GFM2: variants seen among roughly 807,000 people sequenced by gnomAD.
The protein encoded by GFM2 is GTP dependent ribosome recycling factor mitochondrial 2.
In GFM2, 72 loss-of-function variants were observed where a neutral mutation model predicts 95.4. The ratio of observed to expected loss-of-function variants is 0.76; its 90% confidence interval spans 0.62 to 0.92. GFM2 has a LOEUF of 0.92. Ranked by LOEUF, GFM2 falls within the 40% of genes least tolerant of loss-of-function variation. GFM2 has a pLI of 0.00. For synonymous variants in GFM2, 276 were observed against 317.5 expected (o/e 0.87, Z 1.39); for missense variants, 825 against 924.1 (o/e 0.89, Z 1.39).
At chr5:74,758,701 A>C in intron 5 of GFM2, 148 bp downstream of exon 5, 1 of 592,552 alleles carries the variant, frequency 1.7e-6, no homozygotes, top group Non-Finnish European at 3.1e-6. Context: ...TTTGGTGGGT[A>C]TTGCAACTAT....
chr5:74,760,961 G>C lies in GFM2; in HGVS notation c.89C>G (p.Ala30Gly), dbSNP rs975977097. 1.9e-6 allele frequency: 3 copies of C among 1,607,164 alleles called. No homozygotes were observed. Among genetic ancestry groups the C allele is most frequent in the African/African-American group, 2.7e-5 (2 of 74,818 alleles). ...ATGTGGCTTTAATCTTTTTAAACTT[G>C]CTCTTATTTTATAGCAGCATATATT... ...INNICCYKIRASLKRLKPHVP... is the reference protein window; with the variant it reads ...INNICCYKIRGSLKRLKPHVP... Residue 30 changes from alanine (A) to glycine (G), a missense_variant, in exon 3 of 21, where the codon GCA becomes GGA. Transcript: ENST00000296805.
In GFM2 at chr5:74,721,271, AT is replaced by A; in HGVS notation, c.*383del. 9.7e-7 allele frequency: 1 copy of A among 1,027,816 alleles called. No homozygotes were observed. The highest frequency in any genetic ancestry group is 1.5e-6 in the Non-Finnish European group (1 of 658,594). The allele number at this position is 1,027,816 out of a possible 1,614,324, so 63.7% of individuals were successfully genotyped here. On this transcript the variant is annotated 3_prime_UTR_variant, in exon 21 of 21. Transcript: ENST00000296805. ...GATATTAGACTGTTTTTTGAATAAA[AT>A]ATTTTTATTGATTGAACCTTTGACC... is the stretch of plus-strand genomic sequence containing the variant.
chr5:74,741,449 GCACA>G (rs1384742261), intron 11 of GFM2, 76 bp downstream of exon 11: 1 of 667,004 alleles, frequency 1.5e-6, no homozygotes, highest in African/African-American at 1.9e-5. Flanking sequence ...AAAAAAAAAT[GCACA>G]CACATCAAAG....
chr5:74,726,820 CA>C (rs1217734682), intron 17 of GFM2, among the ~76,000 whole-genome samples: 2 of 152,146 alleles, frequency 1.3e-5, no homozygotes, highest in African/African-American at 4.8e-5. Flanking sequence ...TATAATTCTT[CA>C]TAATTCCTTT....
chr5:74,745,011 C>T (rs1369907668), intron 10 of GFM2, among the ~76,000 whole-genome samples: 1 of 151,842 alleles, frequency 6.6e-6, no homozygotes, highest in African/African-American at 2.4e-5. Flanking sequence ...AACATGTAAA[C>T]CTAAGTTCTT....
intron 15 of GFM2, among the ~76,000 whole-genome samples, chr5:74,733,626 T>A (rs1050770222): frequency 3.3e-5 from 5 of 152,042 alleles, no homozygotes; most frequent in African/African-American, 1.2e-4. Context: ...AGGAAGGAGA[T>A]GTGTGGCAGG....
chr5:74,724,116 C>T (rs1054529349), intron 19 of GFM2, among the ~76,000 whole-genome samples: 1 of 152,124 alleles, frequency 6.6e-6, no homozygotes, highest in African/African-American at 2.4e-5. Context: ...CGAATTAACA[C>T]TAATGACTAA....
intron 1 of GFM2, chr5:74,765,283 T>C (rs1032040729): frequency 9.5e-6 from 2 of 210,066 alleles, no homozygotes; most frequent in Non-Finnish European, 1.8e-5. Flanking sequence ...TGTGTCTGCC[T>C]ACCCACTGCT....
At chr5:74,738,999 G>A (rs115655426) in intron 12 of GFM2, among the ~76,000 whole-genome samples, 3 of 151,934 alleles carry the variant, frequency 2.0e-5, no homozygotes, top group Admixed American at 1.3e-4. Flanking sequence ...CTGCTTTTAC[G>A]CTCTCCTTCC....
In GFM2 at chr5:74,767,069, CGAAAA is replaced by C. The variant is rs1264781017; in HGVS notation, c.-161_-157del. Reference sequence around the variant, plus strand: ...CTAGGCAAAAGGCAATGTATCTAAACGAAAAGAAAATAGGCTTTCTCCGCTCTACC... The same window carrying C: ...CTAGGCAAAAGGCAATGTATCTAAACGAAAATAGGCTTTCTCCGCTCTACC... On this transcript the variant is annotated 5_prime_UTR_variant, in exon 1 of 21. Transcript: ENST00000296805. 1.2e-5 allele frequency: 5 copies of C among 424,254 alleles called. No homozygotes were observed. The highest frequency in any genetic ancestry group is 2.2e-5 in the Non-Finnish European group (5 of 230,396). The allele number at this position is 424,254 out of a possible 1,614,324, so 26.3% of individuals were successfully genotyped here. A position where few individuals can be genotyped will look rare whatever the true frequency, so the allele number is the denominator to read the frequency against.
chr5:74,733,353 A>G (rs1022585239), intron 15 of GFM2: 4 of 326,694 alleles, frequency 1.2e-5, no homozygotes, highest in Non-Finnish European at 2.3e-5. Context: ...AAAAAAGACA[A>G]TTTCAAACAG....
In GFM2 at chr5:74,740,133, T is replaced by TATGTAGCA; in HGVS notation, c.934_935insTGCTACAT (p.Gln312LeufsTer10). The TATGTAGCA allele has an allele frequency of 6.3e-7, 1 of 1,596,904 alleles. No individual in the cohort carries two copies. The highest frequency in any genetic ancestry group is 8.5e-7 in the Non-Finnish European group (1 of 1,174,212). ...TAGTGTCACTCTATGTATTGCAGTC[T>TATGTAGCA]GTAGCTACAGAGCAGAGATACAAAT... is the stretch of plus-strand genomic sequence containing the variant. On this transcript the variant is annotated frameshift_variant, in exon 12 of 21. Transcript: ENST00000296805. LOFTEE classifies it high-confidence loss of function.
In GFM2 at chr5:74,736,993, C is replaced by G. The variant is rs1187221642; in HGVS notation, c.1321-8G>C. The G allele has an allele frequency of 6.2e-7, 1 of 1,612,550 alleles. No individual in the cohort carries two copies. Among genetic ancestry groups the G allele is most frequent in the Admixed American group, 1.7e-5 (1 of 59,906 alleles). ...GGTGTCTCCAGTGGCAGTCTGCAAG[C>G]AAACAAGATGACTTGGAACGAAAGT... On this transcript the variant is annotated splice_polypyrimidine_tract_variant and splice_region_variant and intron_variant, in intron 14 of 20. Transcript: ENST00000296805.
At chr5:74,761,798 T>C (rs918121875) in intron 2 of GFM2, among the ~76,000 whole-genome samples, 3 of 152,214 alleles carry the variant, frequency 2.0e-5, no homozygotes, top group South Asian at 2.1e-4. Flanking sequence ...GACCACTAGA[T>C]ATACATTTAA....
intron 17 of GFM2, among the ~76,000 whole-genome samples, chr5:74,726,527 C>T (rs1248524526): frequency 1.3e-5 from 2 of 152,106 alleles, no homozygotes; most frequent in African/African-American, 4.8e-5. Context: ...AATTAAACGA[C>T]TTTAAATCCT....
intron 5 of GFM2, among the ~76,000 whole-genome samples, chr5:74,757,934 G>A (rs555532180): frequency 3.9e-5 from 6 of 151,968 alleles, no homozygotes; most frequent in Non-Finnish European, 7.4e-5. Context: ...GCAAGGGACC[G>A]GGGAAAGGGG....
chr5:74,726,504 G>A (rs1179077875), intron 17 of GFM2, among the ~76,000 whole-genome samples: 1 of 150,414 alleles, frequency 6.6e-6, no homozygotes, highest in Admixed American at 6.6e-5. Flanking sequence ...AATATAAAAG[G>A]TAAGCTAATG....
Position 74,760,988 on chromosome 5 carries a change from T to C in GFM2, c.64-2A>G, listed in dbSNP as rs1267733516. ...TCTTATTTTATAGCAGCATATATTC[T>C]AGTAAAGAGAAAAAGAAACTTGGCA... is the stretch of plus-strand genomic sequence containing the variant. On this transcript the variant is annotated splice_acceptor_variant, in intron 2 of 20. Transcript: ENST00000296805. LOFTEE classifies it high-confidence loss of function. 2 of 1,537,014 alleles carry C rather than the reference T, an allele frequency of 1.3e-6. No homozygotes were observed. The highest frequency in any genetic ancestry group is 1.4e-5 in the African/African-American group (1 of 72,566).
chr5:74,765,968 C>T (rs531777209), intron 1 of GFM2, among the ~76,000 whole-genome samples: 1 of 152,124 alleles, frequency 6.6e-6, no homozygotes, highest in Non-Finnish European at 1.5e-5. Flanking sequence ...ATTTGCACTC[C>T]AGCCTGTGCG....
Sources: gnomAD v4.1 joint callset for allele counts (sites outside exome capture counted in the v4.1 genomes callset) on GRCh38, gnomAD v4.1.1 for gene constraint, MANE v1.5 for transcripts, NCBI Gene and HGNC (gene_info 2026-07-23, HGNC 2026-07-21) for gene names.